Variants in ROBO2 observed in about 807,000 individuals in gnomAD.
The protein encoded by ROBO2 is roundabout homolog 2.
In ROBO2, 53 loss-of-function variants were observed where a neutral mutation model predicts 160.8. The observed-to-expected ratio is 0.33, with a 90% CI of 0.26 to 0.41. ROBO2 has a LOEUF of 0.41. ROBO2 is among the 10% of genes least tolerant of loss of function. The pLI is 1.00. For missense variants in ROBO2, 1,577 were observed against 1,722.4 expected (o/e 0.92, Z 1.49); for synonymous variants, 664 against 611.7 (o/e 1.09, Z -1.26).
At chr3:76,475,058 G>A (rs1402196524) in intron 2 of ROBO2, among the ~76,000 whole-genome samples, 1 of 151,960 alleles carries the variant, frequency 6.6e-6, no homozygotes, top group Non-Finnish European at 1.5e-5. Flanking sequence ...AAGATAGGAA[G>A]ATGGGGAGGA....
intron 4 of ROBO2, among the ~76,000 whole-genome samples, chr3:77,484,471 CTT>C (rs2085088091): frequency 6.7e-6 from 1 of 150,354 alleles, no homozygotes; most frequent in South Asian, 2.1e-4. Flanking sequence ...TATTACAAAA[CTT>C]AGAATGAAAT....
intron 19 of ROBO2, 45 bp downstream of exon 20, chr3:77,596,795 C>G: frequency 7.1e-7 from 1 of 1,412,932 alleles, no homozygotes; most frequent in Non-Finnish European, 9.7e-7. Context: ...TTCTCTCTCT[C>G]TTTTTTTTTT....
At chr3:77,093,693 A>G (rs72887939) in intron 1 of ROBO2, among the ~76,000 whole-genome samples, 1,588 of 152,234 alleles carry the variant, frequency 0.01, 20 homozygotes, top group African/African-American at 0.028. Context: ...CATATTTTTA[A>G]TAACATTGTA....
chr3:76,348,397 A>G (rs1297750554), intron 2 of ROBO2, among the ~76,000 whole-genome samples: 1 of 152,168 alleles, frequency 6.6e-6, no homozygotes, highest in African/African-American at 2.4e-5. Context: ...ACACTGACCT[A>G]TGAATTACCA....
At chr3:76,058,029 A>C (rs1352586795) in intron 2 of ROBO2, among the ~76,000 whole-genome samples, 1 of 152,226 alleles carries the variant, frequency 6.6e-6, no homozygotes, top group East Asian at 1.9e-4. Flanking sequence ...AAAGAAATCC[A>C]ATAATGTTAT....
At chr3:76,395,864 T>G (rs961400426) in intron 2 of ROBO2, among the ~76,000 whole-genome samples, 3 of 152,052 alleles carry the variant, frequency 2.0e-5, no homozygotes, top group African/African-American at 7.2e-5. Context: ...CAGGACCAGA[T>G]GGATTCACAG....
At chr3:76,169,768 G>A (rs1369686892) in intron 2 of ROBO2, among the ~76,000 whole-genome samples, 2 of 151,936 alleles carry the variant, frequency 1.3e-5, no homozygotes, top group Admixed American at 6.6e-5. Context: ...AGATTAGATA[G>A]TTTCGTTATT....
At chr3:76,388,554 A>C (rs1046775773) in intron 2 of ROBO2, among the ~76,000 whole-genome samples, 2 of 152,074 alleles carry the variant, frequency 1.3e-5, no homozygotes, top group African/African-American at 4.8e-5. Flanking sequence ...TACAGGCATA[A>C]ATTTACCAAA....
intron 2 of ROBO2, among the ~76,000 whole-genome samples, chr3:76,588,356 A>C (rs1392202950): frequency 6.6e-6 from 1 of 152,202 alleles, no homozygotes; most frequent in Non-Finnish European, 1.5e-5. Context: ...CTGCATTTAA[A>C]ATAGCCCTCT....
At chr3:76,362,146 G>A (rs775010142) in intron 2 of ROBO2, among the ~76,000 whole-genome samples, 9 of 152,002 alleles carry the variant, frequency 5.9e-5, no homozygotes, top group Admixed American at 1.3e-4. Context: ...GGGAGGATCA[G>A]TTGGATCCAG....
At chr3:76,322,163 CGT>C (rs1491469129) in intron 2 of ROBO2, among the ~76,000 whole-genome samples, 9 of 40,156 alleles carry the variant, frequency 2.2e-4, no homozygotes, top group East Asian at 1.1e-3. Context: ...CTACTTCTTC[CGT>C]ATATATATAT....
At chr3:76,034,714 G>A (rs940076541) in intron 2 of ROBO2, among the ~76,000 whole-genome samples, 2 of 152,030 alleles carry the variant, frequency 1.3e-5, no homozygotes, top group African/African-American at 4.8e-5. Context: ...CCATTATCTT[G>A]CTTTAAGCTC....
intron 19 of ROBO2, among the ~76,000 whole-genome samples, chr3:77,597,262 T>A (rs1221868236): frequency 6.6e-6 from 1 of 151,904 alleles, no homozygotes; most frequent in South Asian, 2.1e-4. Context: ...AGAGAGAACT[T>A]TTCTGTAGTT....
intron 2 of ROBO2, among the ~76,000 whole-genome samples, chr3:77,278,053 G>A (rs932761435): frequency 6.6e-6 from 1 of 152,126 alleles, no homozygotes; most frequent in African/African-American, 2.4e-5. Flanking sequence ...AGGAAATGCA[G>A]TTTTCTTTGT....
intron 2 of ROBO2, among the ~76,000 whole-genome samples, chr3:76,461,567 T>A (rs1161280506): frequency 6.6e-6 from 1 of 152,190 alleles, no homozygotes; most frequent in South Asian, 2.1e-4. Context: ...CAAGAAAATA[T>A]CTTTATGACT....
intron 2 of ROBO2, among the ~76,000 whole-genome samples, chr3:77,277,799 T>C (rs1363471847): frequency 6.6e-6 from 1 of 152,212 alleles, no homozygotes; most frequent in Admixed American, 6.5e-5. Flanking sequence ...ATGATTTATA[T>C]TCCTTTGGGT....
At chr3:77,286,092 C>T (rs2060573434) in intron 2 of ROBO2, among the ~76,000 whole-genome samples, 1 of 152,052 alleles carries the variant, frequency 6.6e-6, no homozygotes. Context: ...TGCGCATATG[C>T]ATATAGCAGT....
At chr3:77,427,986 CA>C (rs2078375768) in intron 2 of ROBO2, among the ~76,000 whole-genome samples, 1 of 152,148 alleles carries the variant, frequency 6.6e-6, no homozygotes, top group African/African-American at 2.4e-5. Context: ...GCTGGTTTTT[CA>C]TTAAAAATGT....
chr3:76,358,170 T>C (rs531016291), intron 2 of ROBO2, among the ~76,000 whole-genome samples: 1 of 152,044 alleles, frequency 6.6e-6, no homozygotes, highest in Non-Finnish European at 1.5e-5. Flanking sequence ...CTTTCTCTCT[T>C]CATAGATGTC....
Sources: gnomAD v4.1 joint callset for allele counts (sites outside exome capture counted in the v4.1 genomes callset) on GRCh38, gnomAD v4.1.1 for gene constraint, MANE v1.5 for transcripts, NCBI Gene and HGNC (gene_info 2026-07-23, HGNC 2026-07-21) for gene names.